The following NYAP2 variants were observed in gnomAD, a reference collection of about 807,000 sequenced individuals.
The protein encoded by NYAP2 is neuronal tyrosine-phosphorylated phosphoinositide-3-kinase adaptor 2, also known as neuronal tyrosine-phosphorylated phosphoinositide-3-kinase adapter 2.
NYAP2 carries 23 observed loss-of-function variants against 50.4 expected under a neutral mutation model. The ratio of observed to expected loss-of-function variants is 0.46; its 90% CI spans 0.33 to 0.65. The LOEUF is 0.65. NYAP2 is among the 30% of genes least tolerant of loss of function. The pLI is 0.02. For synonymous variants in NYAP2, 394 were observed against 365.2 expected, an observed-to-expected ratio of 1.08 and a Z score of -0.90; for missense variants, 885 against 861.0, an observed-to-expected ratio of 1.03 and a Z score of -0.35.
the NYAP2 span, among the ~76,000 whole-genome samples, chr2:225,693,029 A>G: frequency 6.6e-6 from 1 of 152,090 alleles, no homozygotes; most frequent in African/African-American, 2.4e-5. Context: ...CATTGTTAAT[A>G]TCTTACATTA....
intron 4 of NYAP2, among the ~76,000 whole-genome samples, chr2:225,558,721 G>GGGGGGTGCCATTGTTCTATCTTCCA (rs1691818250): frequency 6.9e-6 from 1 of 145,962 alleles, no homozygotes; most frequent in Non-Finnish European, 1.5e-5. Flanking sequence ...GGACATTTTC[G>GGGGGGTGCCATTGTTCTATCTTCCA]GGGGGTGCCA....
At chr2:225,652,349 T>C (rs1174843002) in exon 7 of NYAP2, 1 of 152,198 alleles carries the variant, frequency 6.6e-6, no homozygotes, top group Non-Finnish European at 1.5e-5. Flanking sequence ...TGTTCATGCA[T>C]GGTAAATGAG....
At chr2:225,662,819 C>G in the NYAP2 span, among the ~76,000 whole-genome samples, 2 of 152,156 alleles carry the variant, frequency 1.3e-5, no homozygotes, top group South Asian at 4.1e-4. Context: ...ATTCAAGGAA[C>G]GATCTAGGAA....
intron 3 of NYAP2, among the ~76,000 whole-genome samples, chr2:225,503,609 C>A (rs1690644983): frequency 6.6e-6 from 1 of 152,102 alleles, no homozygotes; most frequent in African/African-American, 2.4e-5. Flanking sequence ...CCCTCTGTAA[C>A]CTCCTTCCTT....
At chr2:225,685,276 A>G in the NYAP2 span, among the ~76,000 whole-genome samples, 2 of 152,214 alleles carry the variant, frequency 1.3e-5, no homozygotes, top group African/African-American at 4.8e-5. Flanking sequence ...AAGCCCATAT[A>G]TACTATTAAA....
the NYAP2 span, among the ~76,000 whole-genome samples, chr2:225,674,695 A>G: frequency 1.3e-5 from 2 of 152,092 alleles, no homozygotes; most frequent in African/African-American, 4.8e-5. Context: ...GATATTTGTC[A>G]AAAGTGGAAT....
intron 3 of NYAP2, among the ~76,000 whole-genome samples, chr2:225,442,975 T>C (rs1217528372): frequency 6.6e-6 from 1 of 152,112 alleles, no homozygotes; most frequent in Non-Finnish European, 1.5e-5. Flanking sequence ...TCTTACATGG[T>C]GGCAGGAAAG....
chr2:225,606,410 T>G (rs1428909644), intron 5 of NYAP2, among the ~76,000 whole-genome samples: 3 of 152,162 alleles, frequency 2.0e-5, no homozygotes, highest in Non-Finnish European at 4.4e-5. Context: ...TAATAGCCCA[T>G]GCAACAGGAA....
chr2:225,496,369 T>C (rs545571175), intron 3 of NYAP2, among the ~76,000 whole-genome samples: 1 of 152,292 alleles, frequency 6.6e-6, no homozygotes, highest in East Asian at 1.9e-4. Context: ...GGAATATGTG[T>C]ATATTTAACA....
intron 3 of NYAP2, among the ~76,000 whole-genome samples, chr2:225,479,603 G>A (rs925702392): frequency 2.0e-5 from 3 of 151,630 alleles, no homozygotes; most frequent in East Asian, 1.9e-4. Context: ...TTTTTGAATC[G>A]GTTCCAATGC....
chr2:225,528,405 C>G (rs931082520), intron 4 of NYAP2, among the ~76,000 whole-genome samples: 7 of 152,122 alleles, frequency 4.6e-5, no homozygotes, highest in African/African-American at 1.7e-4. Context: ...GGAAATCATC[C>G]CGCCGCAAAG....
chr2:225,586,316 T>A (rs887899495), intron 5 of NYAP2, among the ~76,000 whole-genome samples: 1 of 152,204 alleles, frequency 6.6e-6, no homozygotes, highest in Non-Finnish European at 1.5e-5. Context: ...TTAAATTTCA[T>A]TTTGTTTCAC....
intron 3 of NYAP2, among the ~76,000 whole-genome samples, chr2:225,506,507 G>A (rs144921966): frequency 2.3e-4 from 35 of 152,248 alleles, no homozygotes; most frequent in Non-Finnish European, 3.7e-4. Flanking sequence ...ATTTCCATGA[G>A]CACAGCTCAG....
chr2:225,589,129 C>T (rs1469659825), intron 5 of NYAP2, among the ~76,000 whole-genome samples: 2 of 151,782 alleles, frequency 1.3e-5, no homozygotes, highest in Non-Finnish European at 2.9e-5. Context: ...AACCAGATAC[C>T]CAAACTTGTC....
At chr2:225,642,073 G>T (rs1210339468) in intron 6 of NYAP2, among the ~76,000 whole-genome samples, 4 of 152,110 alleles carry the variant, frequency 2.6e-5, no homozygotes, top group African/African-American at 9.7e-5. Context: ...CATGGTTCCT[G>T]CTTTCAAAGA....
intron 4 of NYAP2, 113 bp downstream of exon 4, chr2:225,513,785 C>T (rs1690877473): frequency 4.2e-6 from 3 of 714,246 alleles, no homozygotes; most frequent in Admixed American, 3.8e-5. Context: ...CTGCCTCTCA[C>T]CCTGAAGTCC....
chr2:225,537,825 T>C (rs1220046371), intron 4 of NYAP2, among the ~76,000 whole-genome samples: 1 of 152,178 alleles, frequency 6.6e-6, no homozygotes, highest in Non-Finnish European at 1.5e-5. Context: ...CCTTCTGCCT[T>C]TGAGCCTGTA....
intron 5 of NYAP2, 81 bp downstream of exon 5, chr2:225,583,116 C>A: frequency 6.8e-7 from 1 of 1,479,758 alleles, no homozygotes; most frequent in Non-Finnish European, 9.1e-7. Context: ...GTGCAGATAA[C>A]GCACAGAGTA....
chr2:225,402,218 G>A lies in NYAP2; in HGVS notation c.-18+1175G>A, dbSNP rs545433761. On this transcript the variant is annotated intron_variant, in intron 2 of 6. Transcript: ENST00000636099. ...ATATTACAACTGCACAAGGGACAGT[G>A]GAGAAGCCTGAGGACTTGAAGCATC... Among the ~76,000 whole-genome samples, 21 of 152,080 alleles carry A rather than the reference G, an allele frequency of 1.4e-4. No homozygotes were observed. The South Asian group carries it at 4.2e-3, about 30-fold the overall frequency.
Sources: allele counts gnomAD v4.1 joint callset (sites outside exome capture counted in the v4.1 genomes callset), GRCh38; gene constraint gnomAD v4.1.1; transcripts MANE v1.5; gene names NCBI Gene and HGNC (gene_info 2026-07-23, HGNC 2026-07-21).